FANCC: variants seen among roughly 807,000 people sequenced by gnomAD.
The protein encoded by FANCC is FA complementation group C.
Under a neutral mutation model 71.3 loss-of-function variants are expected in FANCC, and 55 were observed. The observed-to-expected ratio is 0.77, with a 90% CI of 0.62 to 0.97. The LOEUF is 0.97. Ranked by LOEUF, FANCC falls within the 50% of genes least tolerant of loss-of-function variation. The pLI, the probability that FANCC is intolerant of heterozygous loss-of-function variation, is 0.00. For synonymous variants in FANCC, 275 were observed against 244.9 expected, an observed-to-expected ratio of 1.12 and a Z score of -1.15; for missense variants, 678 against 670.9, an observed-to-expected ratio of 1.01 and a Z score of -0.12.
chr9:95,146,417 GT>G (rs751845737), intron 7 of FANCC, among the ~76,000 whole-genome samples: 4 of 125,920 alleles, frequency 3.2e-5, no homozygotes, highest in Non-Finnish European at 4.7e-5. Flanking sequence ...GAGCCTGGGA[GT>G]TTGAGACTAC....
At chr9:95,182,908 A>C (rs1220412832) in intron 4 of FANCC, among the ~76,000 whole-genome samples, 1 of 152,000 alleles carries the variant, frequency 6.6e-6, no homozygotes, top group South Asian at 2.1e-4. Context: ...CTGGGGAAGG[A>C]GTAGAGAAAA....
At chr9:95,171,399 A>G (rs1825667854) in intron 5 of FANCC, among the ~76,000 whole-genome samples, 1 of 152,186 alleles carries the variant, frequency 6.6e-6, no homozygotes, top group African/African-American at 2.4e-5. Flanking sequence ...CCTAAGAATT[A>G]AAACCAAATC....
chr9:95,110,850 A>AAAT, intron 13 of FANCC: 5 of 1,177,264 alleles, frequency 4.2e-6, no homozygotes, highest in Non-Finnish European at 5.3e-6. Context: ...ATTCCACATA[A>AAAT]AATAACAACT....
chr9:95,228,036 C>T (rs1280813434), intron 4 of FANCC, among the ~76,000 whole-genome samples: 2 of 152,172 alleles, frequency 1.3e-5, no homozygotes, highest in African/African-American at 4.8e-5. Context: ...GCTACCTCAG[C>T]GCCTTCTGCA....
At chr9:95,153,103 A>AT (rs1005428685) in intron 6 of FANCC, among the ~76,000 whole-genome samples, 2 of 152,238 alleles carry the variant, frequency 1.3e-5, no homozygotes, top group Non-Finnish European at 2.9e-5. Context: ...AAGTGAGAAC[A>AT]TAACAGTTTG....
intron 1 of FANCC, among the ~76,000 whole-genome samples, chr9:95,261,506 A>G (rs892780043): frequency 2.6e-5 from 4 of 152,380 alleles, no homozygotes; most frequent in African/African-American, 9.6e-5. Flanking sequence ...TTTTGTGCAT[A>G]CACGCACAGC....
intron 3 of FANCC, among the ~76,000 whole-genome samples, chr9:95,245,301 A>G (rs1830893789): frequency 6.6e-6 from 1 of 152,100 alleles, no homozygotes; most frequent in Non-Finnish European, 1.5e-5. Context: ...CATGAACACC[A>G]TTCACTATGA....
intron 4 of FANCC, among the ~76,000 whole-genome samples, chr9:95,215,152 ATC>A (rs1828779436): frequency 1.3e-5 from 2 of 152,314 alleles, no homozygotes; most frequent in Admixed American, 1.3e-4. Flanking sequence ...AGACAAAGAT[ATC>A]TCTTACAGTT....
At chr9:95,281,086 C>G (rs558863310) in intron 1 of FANCC, among the ~76,000 whole-genome samples, 1 of 152,114 alleles carries the variant, frequency 6.6e-6, no homozygotes, top group South Asian at 2.1e-4. Flanking sequence ...CACTGGTGTT[C>G]AAGGGGGAAC....
At chr9:95,311,125 T>A (rs556293630) in intron 1 of FANCC, among the ~76,000 whole-genome samples, 2 of 149,708 alleles carry the variant, frequency 1.3e-5, no homozygotes, top group East Asian at 4.0e-4. Flanking sequence ...GCTCCTGTAG[T>A]CCCAGCTACT....
At chr9:95,156,687 C>T (rs912118091) in intron 6 of FANCC, among the ~76,000 whole-genome samples, 2 of 151,980 alleles carry the variant, frequency 1.3e-5, no homozygotes, top group African/African-American at 4.8e-5. Flanking sequence ...TTTTCAAGTC[C>T]ACAGTTCTCC....
intron 4 of FANCC, among the ~76,000 whole-genome samples, chr9:95,227,103 G>A (rs1425810065): frequency 6.6e-6 from 1 of 152,104 alleles, no homozygotes; most frequent in Non-Finnish European, 1.5e-5. Flanking sequence ...CCATCTCAAA[G>A]TCAGAGTTCC....
intron 1 of FANCC, among the ~76,000 whole-genome samples, chr9:95,300,853 G>C (rs1004982560): frequency 6.6e-6 from 1 of 152,168 alleles, no homozygotes; most frequent in African/African-American, 2.4e-5. Flanking sequence ...CTGGGGGCTG[G>C]AAAGAGAGCC....
chr9:95,180,945 A>T (rs1474997140), intron 4 of FANCC, among the ~76,000 whole-genome samples: 3 of 152,058 alleles, frequency 2.0e-5, no homozygotes, highest in Admixed American at 6.6e-5. Context: ...TTGTTGATCA[A>T]CATGTCATTA....
chr9:95,238,423 T>C (rs1036669884), intron 4 of FANCC, among the ~76,000 whole-genome samples: 1 of 152,208 alleles, frequency 6.6e-6, no homozygotes, highest in African/African-American at 2.4e-5. Flanking sequence ...TCCATTTCTT[T>C]GAGGCCCTCG....
intron 1 of FANCC, among the ~76,000 whole-genome samples, chr9:95,271,934 T>TC (rs1554863961): frequency 2.1e-5 from 2 of 96,340 alleles, no homozygotes; most frequent in African/African-American, 9.0e-5. Context: ...CTTCTTTTTT[T>TC]TTTTTTTTTT....
At chr9:95,119,153 C>T (rs932637919) in intron 10 of FANCC, among the ~76,000 whole-genome samples, 7 of 152,246 alleles carry the variant, frequency 4.6e-5, no homozygotes, top group Non-Finnish European at 7.4e-5. Flanking sequence ...TGGCAAATGA[C>T]GCTGAACAGT....
At chr9:95,108,555 T>C (rs993758767) in intron 13 of FANCC, among the ~76,000 whole-genome samples, 3 of 152,254 alleles carry the variant, frequency 2.0e-5, no homozygotes, top group Non-Finnish European at 2.9e-5. Flanking sequence ...TCCATGCTCA[T>C]GGGCTTCCAC....
intron 6 of FANCC, among the ~76,000 whole-genome samples, chr9:95,170,088 A>G (rs1371146501): frequency 6.6e-6 from 1 of 152,194 alleles, no homozygotes; most frequent in East Asian, 1.9e-4. Flanking sequence ...TAGGGAGTAC[A>G]TACACACTGC....
Sources: gnomAD v4.1 joint callset for allele counts (sites outside exome capture counted in the v4.1 genomes callset) on GRCh38, gnomAD v4.1.1 for gene constraint, MANE v1.5 for transcripts, NCBI Gene and HGNC (gene_info 2026-07-23, HGNC 2026-07-21) for gene names.